The following CNTNAP2 variants were observed in gnomAD, a reference collection of about 807,000 sequenced individuals.
CNTNAP2 encodes the protein contactin-associated protein-like 2.
CNTNAP2 carries 98 observed loss-of-function variants against 155.2 expected under a neutral mutation model. The observed-to-expected ratio is 0.63, with a 90% confidence interval of 0.54 to 0.75. CNTNAP2 has a LOEUF of 0.75. Ranked by LOEUF, CNTNAP2 falls within the 30% of genes least tolerant of loss-of-function variation. The pLI, the probability that CNTNAP2 is intolerant of heterozygous loss-of-function variation, is 0.00. For synonymous variants in CNTNAP2, 651 were observed against 631.2 expected, an observed-to-expected ratio of 1.03 and a Z score of -0.47; for missense variants, 1,727 against 1,688.1, an observed-to-expected ratio of 1.02 and a Z score of -0.40.
At chr7:147,113,329 C>G (rs1487053348) in intron 5 of CNTNAP2, among the ~76,000 whole-genome samples, 1 of 151,934 alleles carries the variant, frequency 6.6e-6, no homozygotes, top group Non-Finnish European at 1.5e-5. Flanking sequence ...TGAATCGTCT[C>G]TCTTTTCTTC....
At chr7:147,027,552 G>A (rs889774050) in intron 3 of CNTNAP2, among the ~76,000 whole-genome samples, 2 of 152,194 alleles carry the variant, frequency 1.3e-5, no homozygotes, top group South Asian at 2.1e-4. Flanking sequence ...AGTTGGCAAC[G>A]TATGAACAAA....
At chr7:147,568,571 T>A (rs1800221582) in intron 12 of CNTNAP2, among the ~76,000 whole-genome samples, 1 of 152,214 alleles carries the variant, frequency 6.6e-6, no homozygotes, top group African/African-American at 2.4e-5. Context: ...GGGTACATGA[T>A]AAAATGTGAT....
At chr7:147,758,116 C>A (rs1353714044) in intron 13 of CNTNAP2, among the ~76,000 whole-genome samples, 2 of 152,134 alleles carry the variant, frequency 1.3e-5, no homozygotes, top group Admixed American at 6.5e-5. Context: ...AAGCAAAATT[C>A]TTCGCTGTAA....
intron 21 of CNTNAP2, among the ~76,000 whole-genome samples, chr7:148,346,994 C>T (rs963755063): frequency 1.3e-5 from 2 of 151,212 alleles, no homozygotes; most frequent in African/African-American, 4.9e-5. Context: ...CAGTGGCTCA[C>T]GCCTGTAATC....
intron 3 of CNTNAP2, among the ~76,000 whole-genome samples, chr7:146,840,666 G>A (rs75329097): frequency 1.3e-5 from 2 of 151,782 alleles, no homozygotes; most frequent in African/African-American, 2.4e-5. Flanking sequence ...AAGAGGAAAG[G>A]GTTCACTTTT....
intron 20 of CNTNAP2, among the ~76,000 whole-genome samples, chr7:148,234,358 G>C (rs527978597): frequency 2.0e-5 from 3 of 152,184 alleles, no homozygotes; most frequent in Non-Finnish European, 4.4e-5. Context: ...TGATGTTACT[G>C]TTATTACCAT....
intron 21 of CNTNAP2, among the ~76,000 whole-genome samples, chr7:148,342,740 A>G (rs1215868426): frequency 6.6e-6 from 1 of 152,258 alleles, no homozygotes; most frequent in Non-Finnish European, 1.5e-5. Flanking sequence ...ATGAACAAAT[A>G]CTGTGATCGA....
intron 3 of CNTNAP2, among the ~76,000 whole-genome samples, chr7:146,951,055 CT>C (rs1013428485): frequency 1.5e-4 from 23 of 152,250 alleles, no homozygotes; most frequent in African/African-American, 5.1e-4. Context: ...TGATTATGAG[CT>C]TTTTTTCATA....
At chr7:147,747,198 G>C (rs183924593) in intron 13 of CNTNAP2, among the ~76,000 whole-genome samples, 290 of 152,182 alleles carry the variant, frequency 1.9e-3, no homozygotes, top group Middle Eastern at 6.8e-3. Context: ...TTTTCATCTC[G>C]ATTAGCACAT....
chr7:148,407,628 T>C (rs115897760), intron 22 of CNTNAP2, among the ~76,000 whole-genome samples: 7,107 of 144,586 alleles, frequency 0.049, 446 homozygotes, highest in African/African-American at 0.14. Flanking sequence ...CACTTGAGCC[T>C]GGGAGGTCCA....
At chr7:146,431,326 G>A (rs1796169993) in intron 1 of CNTNAP2, among the ~76,000 whole-genome samples, 1 of 151,896 alleles carries the variant, frequency 6.6e-6, no homozygotes, top group African/African-American at 2.4e-5. Context: ...AATGTGTACA[G>A]AGCCCATAGT....
chr7:146,694,470 T>C (rs1266707795), intron 1 of CNTNAP2, among the ~76,000 whole-genome samples: 2 of 152,200 alleles, frequency 1.3e-5, no homozygotes, highest in African/African-American at 4.8e-5. Context: ...TATTTGCCTA[T>C]TCTTTCAATG....
intron 10 of CNTNAP2, among the ~76,000 whole-genome samples, chr7:147,481,871 A>G: frequency 6.6e-6 from 1 of 152,210 alleles, no homozygotes; most frequent in East Asian, 1.9e-4. Context: ...CTTGCCATGA[A>G]ACAAATTACA....
chr7:147,112,770 G>T (rs148807306), intron 5 of CNTNAP2, among the ~76,000 whole-genome samples: 1 of 152,212 alleles, frequency 6.6e-6, no homozygotes, highest in Non-Finnish European at 1.5e-5. Flanking sequence ...GATTCAGTTT[G>T]CCATAACTTT....
chr7:148,413,561 G>A (rs971600007), intron 23 of CNTNAP2, among the ~76,000 whole-genome samples: 2 of 150,018 alleles, frequency 1.3e-5, no homozygotes, highest in African/African-American at 2.5e-5. Flanking sequence ...AGATGTGTAG[G>A]ATTGGTCTAA....
intron 8 of CNTNAP2, among the ~76,000 whole-genome samples, chr7:147,201,717 G>C (rs775591762): frequency 1.3e-5 from 2 of 152,138 alleles, no homozygotes; most frequent in Non-Finnish European, 2.9e-5. Context: ...ATTGGATAGG[G>C]GCAGGGTGAT....
chr7:147,103,494 A>T (rs1479755669), intron 4 of CNTNAP2, among the ~76,000 whole-genome samples: 1 of 152,110 alleles, frequency 6.6e-6, no homozygotes, highest in South Asian at 2.1e-4. Context: ...TCTTGAAGTG[A>T]CTTGGTATTT....
In CNTNAP2 at chr7:147,300,230, T is replaced by A; in HGVS notation, c.1438T>A (p.Ser480Thr). The A allele has an allele frequency of 6.2e-7, 1 of 1,613,980 alleles. No individual in the cohort carries two copies. The highest frequency in any genetic ancestry group is 8.5e-7 in the Non-Finnish European group (1 of 1,179,916). ...TCTCACCATCGATGGAGATGAAGCA[T>A]CAGCAGTTCGAACTAATAGTCCCCT... ...AILTIDGDEASAVRTNSPLQV... is the reference protein window; with the variant it reads ...AILTIDGDEATAVRTNSPLQV... Residue 480 changes from serine to threonine, a missense_variant, in exon 9 of 24, where the codon TCA (serine) becomes ACA (threonine). Physicochemically the swap from Ser to Thr is moderately conservative, Grantham distance 58 (BLOSUM62 1). Transcript: ENST00000361727.
chr7:148,376,887 G>A (rs1420404315), intron 21 of CNTNAP2, among the ~76,000 whole-genome samples: 1 of 67,980 alleles, frequency 1.5e-5, no homozygotes, highest in African/African-American at 3.6e-5. Context: ...AGGGAACCTA[G>A]ATGCCAGCAT....
Sources: allele counts gnomAD v4.1 joint callset (sites outside exome capture counted in the v4.1 genomes callset), GRCh38; gene constraint gnomAD v4.1.1; transcripts MANE v1.5; gene names NCBI Gene and HGNC (gene_info 2026-07-23, HGNC 2026-07-21).